KLRD1: variants seen among roughly 807,000 people sequenced by gnomAD.
KLRD1 encodes the protein killer cell lectin like receptor D1.
In KLRD1, 21 loss-of-function variants were observed where a neutral mutation model predicts 22.6. That is an observed-to-expected ratio of 0.93 (90% confidence interval 0.66 to 1.34). The LOEUF is 1.34. KLRD1 is among the 40% of genes most tolerant of loss of function. KLRD1 has a pLI of 0.00. For missense variants in KLRD1, 183 were observed against 208.6 expected (o/e 0.88, Z 0.76); for synonymous variants, 59 against 71.1 (o/e 0.83, Z 0.85).
intron 1 of KLRD1, among the ~76,000 whole-genome samples, chr12:10,259,040 T>C (rs1247910891): frequency 6.6e-6 from 1 of 152,150 alleles, no homozygotes; most frequent in Non-Finnish European, 1.5e-5. Flanking sequence ...ACTAGGAAAC[T>C]GTGATTCCGA....
rs1949215754 is a variant in KLRD1 at position 10,239,460 on chromosome 12, TCCTTCCTTC to T, written c.-101+13229_-101+13237del. Among the ~76,000 whole-genome samples the T allele has an allele frequency of 5.9e-5, 3 of 50,512 alleles. 1 individual carries two copies. Among genetic ancestry groups the T allele is most frequent in the East Asian group, 1.5e-3 (2 of 1,324 alleles). The allele number at this position is 50,512 out of a possible 152,430, so 33.1% of individuals were successfully genotyped here. A position where few individuals can be genotyped will look rare whatever the true frequency, so the allele number is the denominator to read the frequency against. ...TTCCTTCCTTCCTTCCTTCCTTCCTTCCTTCCTTCCTTCCTTCCTTCCTTCTTCCTTCCT... is the reference window on the plus strand; with the variant it reads ...TTCCTTCCTTCCTTCCTTCCTTCCTTCTTCCTTCCTTCCTTCTTCCTTCCT... On this transcript the variant is annotated intron_variant, in intron 1 of 5. Transcript: ENST00000544747.
rs1241710169 is a variant in KLRD1, at chr12:10,313,482, T to C, written c.388T>C (p.Trp130Arg). Residue 130 changes from tryptophan (W) to arginine (R), a missense_variant, in exon 5 of 6, where the codon TGG becomes CGG. Coordinates refer to ENST00000336164, the MANE Select transcript of KLRD1 (RefSeq NM_002262.5). ...SYSEEHTAWL[W>R]ENGSALSQYL... Reference sequence around the variant, plus strand: ...CAGTGAGGAGCACACCGCCTGGTTGTGGGAGAATGGCTCTGCACTCTCCCA... The same window carrying C: ...CAGTGAGGAGCACACCGCCTGGTTGCGGGAGAATGGCTCTGCACTCTCCCA... The C allele has an allele frequency of 6.2e-7, 1 of 1,608,696 alleles. No individual in the cohort carries two copies. Among genetic ancestry groups the C allele is most frequent in the Non-Finnish European group, 8.5e-7 (1 of 1,176,996 alleles).
Position 10,243,631 on chromosome 12 carries a change from A to AAAAAAAG in KLRD1, c.-101+17400_-101+17401insAAAAGAA, listed in dbSNP as rs771543645. On this transcript the variant is annotated intron_variant, in intron 1 of 5. Coordinates refer to the KLRD1 transcript ENST00000544747. ...CCAAAAAAAAAAAAAAAAAAAAAAAAAACCGAAATGAAAGATATGGAACAA... is the reference window on the plus strand; with the variant it reads ...CCAAAAAAAAAAAAAAAAAAAAAAAAAAAAAAGAACCGAAATGAAAGATATGGAACAA... Among the ~76,000 whole-genome samples the AAAAAAAG allele has an allele frequency of 5.1e-4, 60 of 118,782 alleles. 8 individuals carry two copies. The highest frequency in any genetic ancestry group is 2.4e-3 in the African/African-American group (57 of 24,118). The allele number at this position is 118,782 out of a possible 152,430, so 77.9% of individuals were successfully genotyped here.
intron 1 of KLRD1, among the ~76,000 whole-genome samples, chr12:10,282,784 C>T (rs182977859): frequency 5.3e-5 from 8 of 152,184 alleles, no homozygotes; most frequent in Admixed American, 3.3e-4. Flanking sequence ...AAATGAGCGA[C>T]GTTTGACGTA....
rs1379877284 is a variant in KLRD1, at chr12:10,316,721, A to G, written c.*1928A>G. ...CCCGGCCAGTTTATATAATTTAAAC[A>G]CTGCCTTTTGGTTCCTTGATTCCCA... On this transcript the variant is annotated 3_prime_UTR_variant, in exon 6 of 6. Coordinates refer to ENST00000336164, the MANE Select transcript of KLRD1 (RefSeq NM_002262.5). 6.6e-6 allele frequency: 1 copy of G among 152,342 alleles called. No individual in the cohort carries two copies. Among genetic ancestry groups the G allele is most frequent in the Admixed American group, 6.5e-5 (1 of 15,294 alleles). The allele number at this position is 152,342 out of a possible 1,614,324, so 9.4% of individuals were successfully genotyped here.
chr12:10,316,917 A>G lies in KLRD1; in HGVS notation c.*2124A>G, dbSNP rs1950243135. ...CCACATGCATTAGGTATTTGTCCTA[A>G]TGCTCTTCCTCCCCTTGCCCCCCAC... On this transcript the variant is annotated 3_prime_UTR_variant, in exon 6 of 6. Coordinates refer to ENST00000336164, the MANE Select transcript of KLRD1 (RefSeq NM_002262.5). The G allele has an allele frequency of 6.6e-6, 1 of 151,880 alleles. No homozygotes were observed. Among genetic ancestry groups the G allele is most frequent in the African/African-American group, 2.4e-5 (1 of 41,300 alleles). 9.4% of individuals were successfully genotyped at this position (151,880 alleles called of 1,614,324 possible). A position where few individuals can be genotyped will look rare whatever the true frequency, so the allele number is the denominator to read the frequency against.
rs1949444728 is a variant in KLRD1 at position 10,260,688 on chromosome 12, C to T, written c.-101+34455C>T. On this transcript the variant is annotated intron_variant, in intron 1 of 5. Transcript: ENST00000544747. ...GGGCGTGGTGGCTCACGCCTGTAATCCGAGCACTTTGGGAGGCCGAGGTGG... is the reference window on the plus strand; with the variant it reads ...GGGCGTGGTGGCTCACGCCTGTAATTCGAGCACTTTGGGAGGCCGAGGTGG... 7.9e-5 allele frequency among the ~76,000 whole-genome samples: 12 copies of T among 152,140 alleles called. No individual in the cohort carries two copies. The South Asian group carries it at 2.5e-3, about 32-fold the overall frequency.
chr12:10,269,938 G>A (rs997275142), intron 1 of KLRD1, among the ~76,000 whole-genome samples: 1 of 152,008 alleles, frequency 6.6e-6, no homozygotes, highest in Admixed American at 6.6e-5. Flanking sequence ...TGATGATTCT[G>A]TACCTACCAT....
chr12:10,312,458 A>C (rs1950103529), intron 4 of KLRD1, among the ~76,000 whole-genome samples: 1 of 151,230 alleles, frequency 6.6e-6, no homozygotes, highest in East Asian at 2.0e-4. Flanking sequence ...GGCTCACTGC[A>C]AGCTCCTCCT....
chr12:10,289,655 GGTTT>G (rs1394016355), intron 1 of KLRD1, among the ~76,000 whole-genome samples: 1 of 152,112 alleles, frequency 6.6e-6, no homozygotes, highest in African/African-American at 2.4e-5. Flanking sequence ...GCTTTGGTTT[GGTTT>G]GTTTATTTGC....
At chr12:10,286,373 C>T (rs1592059266) in intron 1 of KLRD1, among the ~76,000 whole-genome samples, 1 of 152,252 alleles carries the variant, frequency 6.6e-6, no homozygotes, top group Non-Finnish European at 1.5e-5. Context: ...GTGTTAAATA[C>T]CCTATATGTT....
intron 1 of KLRD1, among the ~76,000 whole-genome samples, chr12:10,255,183 G>A (rs1028038615): frequency 6.6e-5 from 10 of 152,148 alleles, no homozygotes; most frequent in African/African-American, 2.4e-4. Flanking sequence ...AAAGCAGTAC[G>A]GAGATTCCTC....
At chr12:10,287,749 C>T (rs1198324277) in intron 1 of KLRD1, among the ~76,000 whole-genome samples, 2 of 152,116 alleles carry the variant, frequency 1.3e-5, no homozygotes, top group Non-Finnish European at 2.9e-5. Context: ...GTTTAATTAT[C>T]TGTCTAAATA....
At chr12:10,247,723 C>T (rs905427072) in intron 1 of KLRD1, among the ~76,000 whole-genome samples, 2 of 152,066 alleles carry the variant, frequency 1.3e-5, no homozygotes, top group Non-Finnish European at 1.5e-5. Flanking sequence ...AGCAGTTGCA[C>T]CCATGCTATT....
At chr12:10,294,770 G>A (rs35518026) in intron 1 of KLRD1, among the ~76,000 whole-genome samples, 11,287 of 152,156 alleles carry the variant, frequency 0.074, 495 homozygotes, top group East Asian at 0.17. Flanking sequence ...GCCAATCAGT[G>A]TATCTTATCC....
rs1461543777 is a variant in KLRD1 at position 10,309,485 on chromosome 12, G to T, written c.100+5G>T. The T allele has an allele frequency of 1.4e-6, 2 of 1,427,062 alleles. No homozygotes were observed. The highest frequency in any genetic ancestry group is 2.0e-6 in the Non-Finnish European group (2 of 1,009,694). The allele number at this position is 1,427,062 out of a possible 1,614,324, so 88.4% of individuals were successfully genotyped here. ...TGGGAATTTTGTTGAAAAATTGTAA[G>T]TTTTTCTAAGCAAGTCTCCATAAAA... On this transcript the variant is annotated splice_donor_5th_base_variant and intron_variant, in intron 2 of 5. Coordinates refer to ENST00000336164, the MANE Select transcript of KLRD1 (RefSeq NM_002262.5).
At chr12:10,313,535 C>T (rs377482622) in intron 5 of KLRD1, 22 bp downstream of exon 5, 1 of 1,392,494 alleles carries the variant, frequency 7.2e-7, no homozygotes, top group Non-Finnish European at 9.9e-7. Context: ...GCAATCATGG[C>T]GTTTTTTGCT....
chr12:10,285,210 C>T (rs1385740033), intron 1 of KLRD1, among the ~76,000 whole-genome samples: 1 of 152,110 alleles, frequency 6.6e-6, no homozygotes, highest in Non-Finnish European at 1.5e-5. Context: ...AAATTCTTTA[C>T]TACTATTTAT....
chr12:10,321,330 A>G lies in KLRD1; in HGVS notation c.*6537A>G, dbSNP rs889548959. ...AAATGATACTCAAGAAGCTAAACTT[A>G]AGGAACTTCACCTGATGAGTCTCAC... is the stretch of plus-strand genomic sequence containing the variant. On this transcript the variant is annotated 3_prime_UTR_variant, in exon 6 of 6. Coordinates refer to ENST00000336164, the MANE Select transcript of KLRD1 (RefSeq NM_002262.5). 6.6e-6 allele frequency: 1 copy of G among 152,222 alleles called. No homozygotes were observed. The highest frequency in any genetic ancestry group is 1.9e-4 in the East Asian group (1 of 5,192). 9.4% of individuals were successfully genotyped at this position (152,222 alleles called of 1,614,324 possible).
Sources: gnomAD v4.1 joint callset for allele counts (sites outside exome capture counted in the v4.1 genomes callset) on GRCh38, gnomAD v4.1.1 for gene constraint, MANE v1.5 for transcripts, NCBI Gene and HGNC (gene_info 2026-07-23, HGNC 2026-07-21) for gene names.